The following ARHGAP35 variants were observed in gnomAD, a reference collection of about 807,000 sequenced individuals.
ARHGAP35 encodes the protein Rho GTPase activating protein 35, also known as rho GTPase-activating protein 35.
A neutral mutation model predicts 111.1 loss-of-function variants in ARHGAP35; 15 were observed. That is an observed-to-expected ratio of 0.13 (90% CI 0.09 to 0.21). The LOEUF is 0.21. Ranked by LOEUF, ARHGAP35 falls within the 10% of genes least tolerant of loss-of-function variation. The pLI is 1.00. For missense variants in ARHGAP35, 1,262 were observed against 1,873.0 expected (o/e 0.67, Z 6.02); for synonymous variants, 643 against 710.3 (o/e 0.91, Z 1.51).
At chr19:46,913,487 G>T (rs2056148723) in intron 1 of ARHGAP35, among the ~76,000 whole-genome samples, 2 of 152,230 alleles carry the variant, frequency 1.3e-5, no homozygotes, top group South Asian at 4.1e-4. Flanking sequence ...CTACCTTCCA[G>T]TTGCGGCACT....
rs372792084 is a variant in ARHGAP35, at chr19:47,000,550, C to T, written c.4362C>T (p.Ala1454=). ...GCGCCAGGCCCAGCTCCCCCTCTGC[C>T]GTGGCTTCCACCGTCCCCTTCCTCA... is the stretch of plus-strand genomic sequence containing the variant. ...PPGARPSSPS[A]VASTVPFLTS... The change falls in exon 7 of 7, where the codon GCC becomes GCT. Residue 1454 remains alanine (A), a synonymous_variant. Coordinates refer to ENST00000672722, the MANE Select transcript of ARHGAP35 (RefSeq NM_004491.5). This position sits in a 1 kb window ranked among gnomAD's most constrained non-coding sequence, Gnocchi z 6.9. The T allele has an allele frequency of 2.2e-5, 35 of 1,613,286 alleles. No homozygotes were observed. Among genetic ancestry groups the T allele is most frequent in the Admixed American group, 3.3e-5 (2 of 59,958 alleles).
At chr19:46,861,969 C>T (rs1298211612) in intron 1 of ARHGAP35, among the ~76,000 whole-genome samples, 6 of 152,170 alleles carry the variant, frequency 3.9e-5, no homozygotes, top group Non-Finnish European at 8.8e-5. Context: ...CCGGGATGCC[C>T]CTCGGCTGGC....
intron 1 of ARHGAP35, among the ~76,000 whole-genome samples, chr19:46,891,420 A>AG (rs2056022874): frequency 6.7e-6 from 1 of 149,974 alleles, no homozygotes; most frequent in African/African-American, 2.5e-5. Context: ...TGCTAGGGCA[A>AG]GTTTTTTTTT....
At chr19:46,879,615 T>TAAATAAATAAATAAATAAAA (rs1381786999) in intron 1 of ARHGAP35, among the ~76,000 whole-genome samples, 212 of 147,466 alleles carry the variant, frequency 1.4e-3, no homozygotes, top group East Asian at 5.5e-3. Flanking sequence ...AATAAATAAA[T>TAAATAAATAAATAAATAAAA]AAAAATAAAA....
chr19:46,992,307 G>A lies in ARHGAP35; in HGVS notation c.4036+2632G>A, dbSNP rs892746802. On this transcript the variant is annotated intron_variant, in intron 5 of 6. Coordinates refer to ENST00000672722, the MANE Select transcript of ARHGAP35 (RefSeq NM_004491.5). This position sits in a 1 kb window ranked among gnomAD's most constrained non-coding sequence, Gnocchi z 4.4. ...CACCGCTAGGGAGTGGCAAGCCGGG[G>A]CTTGAGTCCCTGCGTACGTGGGTGC... Among the ~76,000 whole-genome samples the A allele has an allele frequency of 3.3e-5, 5 of 152,196 alleles. No homozygotes were observed. Among genetic ancestry groups the A allele is most frequent in the Non-Finnish European group, 7.3e-5 (5 of 68,044 alleles).
intron 2 of ARHGAP35, among the ~76,000 whole-genome samples, chr19:46,932,407 G>T (rs1471568086): frequency 6.6e-6 from 1 of 152,318 alleles, no homozygotes; most frequent in South Asian, 2.1e-4. Flanking sequence ...GAAGAAGATG[G>T]ATGTTGGGTG....
rs550441793 is a variant in ARHGAP35 at position 46,914,596 on chromosome 19, G to A, written c.-188-3892G>A. On this transcript the variant is annotated intron_variant, in intron 1 of 6. Transcript: ENST00000672722. Reference sequence around the variant, plus strand: ...TACAGCACTGCACTCCAGCATGGGTGACAGAGCAAGACTCCATCTCATAAA... The same window carrying A: ...TACAGCACTGCACTCCAGCATGGGTAACAGAGCAAGACTCCATCTCATAAA... Among the ~76,000 whole-genome samples the A allele has an allele frequency of 1.2e-4, 19 of 152,276 alleles. 1 individual carries two copies. Among genetic ancestry groups the A allele is most frequent in the African/African-American group, 4.1e-4 (17 of 41,550 alleles).
Position 46,999,477 on chromosome 19 carries a change from G to A in ARHGAP35, c.4142+68G>A. The A allele has an allele frequency of 9.3e-7, 1 of 1,073,832 alleles. No homozygotes were observed. 66.5% of individuals were successfully genotyped at this position (1,073,832 alleles called of 1,614,324 possible). A position where few individuals can be genotyped will look rare whatever the true frequency, so the allele number is the denominator to read the frequency against. ...TGACAGCCAGGGTCAGTGTGTCGCAGAACAAGGCTCTGTCCACAAGCCAGT... is the reference window on the plus strand; with the variant it reads ...TGACAGCCAGGGTCAGTGTGTCGCAAAACAAGGCTCTGTCCACAAGCCAGT... On this transcript the variant is annotated intron_variant, in intron 6 of 6. Transcript: ENST00000672722. This position sits in a 1 kb window ranked among gnomAD's most constrained non-coding sequence, Gnocchi z 5.4.
At chr19:46,877,326 G>A (rs1010425740) in intron 1 of ARHGAP35, among the ~76,000 whole-genome samples, 1 of 151,844 alleles carries the variant, frequency 6.6e-6, no homozygotes, top group East Asian at 1.9e-4. Flanking sequence ...ACTTTGGGAG[G>A]CGGAGGTGGG....
chr19:46,919,980 G>A lies in ARHGAP35; in HGVS notation c.1305G>A (p.Ala435=), dbSNP rs148473501. The A allele has an allele frequency of 6.1e-5, 98 of 1,613,988 alleles. 2 individuals carry two copies. Among genetic ancestry groups the A allele is most frequent in the Middle Eastern group, 1.6e-4 (1 of 6,062 alleles). The change falls in exon 2 of 7, where the codon GCG becomes GCA. Residue 435 remains alanine, a synonymous_variant. Transcript: ENST00000672722. The surrounding 1 kb of genome is among the most constrained non-coding windows in gnomAD (Gnocchi z 6.2). ...NERKRVEMRR[A]FKENLETSPF... ...GGAAAAGAGTTGAGATGCGAAGGGC[G>A]TTTAAAGAAAACCTGGAGACTTCTC...
chr19:46,866,382 A>G (rs2055857205), intron 1 of ARHGAP35, among the ~76,000 whole-genome samples: 1 of 152,224 alleles, frequency 6.6e-6, no homozygotes, highest in Admixed American at 6.5e-5. Context: ...AGGCTGGCAT[A>G]GGGCATTGTG....
intron 3 of ARHGAP35, among the ~76,000 whole-genome samples, chr19:46,985,759 G>T (rs938320803): frequency 1.3e-5 from 2 of 152,122 alleles, no homozygotes; most frequent in Middle Eastern, 3.2e-3. Flanking sequence ...GGCGTTGCTT[G>T]GTAGGATGTC....
intron 2 of ARHGAP35, among the ~76,000 whole-genome samples, chr19:46,930,584 G>A (rs1408897428): frequency 2.7e-5 from 4 of 145,718 alleles, no homozygotes; most frequent in Non-Finnish European, 4.5e-5. Context: ...ATACTAGATG[G>A]TACAACTCTA....
intron 3 of ARHGAP35, among the ~76,000 whole-genome samples, chr19:46,956,866 C>T (rs570864239): frequency 6.6e-6 from 1 of 151,578 alleles, no homozygotes. Flanking sequence ...TATCTTCCTA[C>T]GTTTAACCAG....
In ARHGAP35 at chr19:46,988,015, G is replaced by A; in HGVS notation, c.3853G>A (p.Val1285Ile). The A allele has an allele frequency of 6.2e-7, 1 of 1,613,932 alleles. No individual in the cohort carries two copies. The highest frequency in any genetic ancestry group is 8.5e-7 in the Non-Finnish European group (1 of 1,179,864). Residue 1285 changes from valine (V) to isoleucine (I), a missense_variant, in exon 4 of 7, where the codon GTC (valine) becomes ATC (isoleucine). By Grantham distance (29) the Val-to-Ile change is conservative. Around this residue, in one of 8 missense-constraint regions of ARHGAP35, gnomAD observed 45 missense variants for 118.2 expected, o/e 0.38. Coordinates refer to ENST00000672722, the MANE Select transcript of ARHGAP35 (RefSeq NM_004491.5). This position sits in a 1 kb window ranked among gnomAD's most constrained non-coding sequence, Gnocchi z 5.4. Reference protein sequence around the residue: ...TGLSTEGIYRVSGNKSEMESL... With the variant: ...TGLSTEGIYRISGNKSEMESL... ...ACTGAGCACGGAAGGCATCTACCGG[G>A]TCAGCGGGAACAAGTCTGAGATGGA...
chr19:46,876,126 G>T lies in ARHGAP35; in HGVS notation c.-189+14917G>T, dbSNP rs151047666. Among the ~76,000 whole-genome samples the T allele has an allele frequency of 3.4e-3, 524 of 152,064 alleles. 9 individuals are homozygous for T. Among genetic ancestry groups the T allele is most frequent in the African/African-American group, 0.012 (506 of 41,440 alleles). ...GAATATAGTAGTGTTTACTCATAGG[G>T]TAACTGTGCTAGTTAATATGCTTAC... is the stretch of plus-strand genomic sequence containing the variant. On this transcript the variant is annotated intron_variant, in intron 1 of 6. Transcript: ENST00000672722.
At chr19:46,984,386 G>T (rs764872404) in intron 3 of ARHGAP35, among the ~76,000 whole-genome samples, 6 of 152,162 alleles carry the variant, frequency 3.9e-5, no homozygotes, top group Admixed American at 6.5e-5. Flanking sequence ...TTGCCAGGGG[G>T]TCTGCTCCAG....
At position 46,988,228 on chromosome 19, in the gene ARHGAP35, G is replaced by A. The variant is rs748604054; in HGVS notation, c.3904+162G>A. 12 of 679,038 alleles carry A rather than the reference G, an allele frequency of 1.8e-5. No individual in the cohort carries two copies. Among genetic ancestry groups the A allele is most frequent in the Non-Finnish European group, 3.0e-5 (12 of 398,854 alleles). The allele number at this position is 679,038 out of a possible 1,614,324, so 42.1% of individuals were successfully genotyped here. On this transcript the variant is annotated intron_variant, in intron 4 of 6. Coordinates refer to ENST00000672722, the MANE Select transcript of ARHGAP35 (RefSeq NM_004491.5). This position sits in a 1 kb window ranked among gnomAD's most constrained non-coding sequence, Gnocchi z 5.4. ...AGAGACCATGTGTGGCTGCAGCGGG[G>A]AGGAGGGGACCGGGTCCTGTCAGTG... is the stretch of plus-strand genomic sequence containing the variant.
At chr19:46,905,501 G>A (rs2056102209) in intron 1 of ARHGAP35, among the ~76,000 whole-genome samples, 1 of 145,188 alleles carries the variant, frequency 6.9e-6, no homozygotes, top group South Asian at 2.2e-4. Context: ...TCAGCCTCCC[G>A]AGTAGTTGGG....
Sources: allele counts gnomAD v4.1 joint callset (sites outside exome capture counted in the v4.1 genomes callset), GRCh38; gene constraint gnomAD v4.1.1; regional missense constraint gnomAD v4.1.1; non-coding constraint Gnocchi (gnomAD v3.1); transcripts MANE v1.5; gene names NCBI Gene and HGNC (gene_info 2026-07-23, HGNC 2026-07-21).